PROCR: variants seen among roughly 807,000 people sequenced by gnomAD.
The protein encoded by PROCR is protein C receptor.
In PROCR, 22 loss-of-function variants were observed where a neutral mutation model predicts 24.2. The ratio of observed to expected loss-of-function variants is 0.91; its 90% CI spans 0.65 to 1.30. The LOEUF (loss-of-function observed/expected upper bound fraction) is 1.30, where lower values mean the gene tolerates loss of function less well. PROCR is among the 50% of genes most tolerant of loss of function. The pLI is 0.00. For missense variants in PROCR, 288 were observed against 307.7 expected, an observed-to-expected ratio of 0.94 and a Z score of 0.48; for synonymous variants, 137 against 139.2, an observed-to-expected ratio of 0.98 and a Z score of 0.11.
intron 1 of PROCR, among the ~76,000 whole-genome samples, chr20:35,204,596 G>A (rs899429842): frequency 9.2e-5 from 14 of 151,732 alleles, no homozygotes; most frequent in Non-Finnish European, 1.2e-4. Flanking sequence ...GGCTGGTCTC[G>A]AACTCCTGGC....
At chr20:35,180,845 T>C (rs892828578), downstream of PROCR, among the ~76,000 whole-genome samples, 7 of 150,302 alleles carry the variant, frequency 4.7e-5, no homozygotes, top group African/African-American at 1.7e-4. Context: ...TTTTTTGTTG[T>C]TGTTTGTTTT....
intron 1 of PROCR, among the ~76,000 whole-genome samples, chr20:35,212,211 G>A (rs895686274): frequency 6.6e-6 from 1 of 152,126 alleles, no homozygotes; most frequent in African/African-American, 2.4e-5. Context: ...GTACATCATA[G>A]AGAAAAAGAG....
At chr20:35,196,317 A>C (rs1423393994) in intron 1 of PROCR, among the ~76,000 whole-genome samples, 1 of 152,136 alleles carries the variant, frequency 6.6e-6, no homozygotes, top group African/African-American at 2.4e-5. Context: ...GTATTTGAAG[A>C]AATGATGGCT....
At chr20:35,179,090 G>C (rs550459124), downstream of PROCR, among the ~76,000 whole-genome samples, 1 of 150,730 alleles carries the variant, frequency 6.6e-6, no homozygotes, top group Non-Finnish European at 1.5e-5. Context: ...AAAATTAGCC[G>C]GGCATGGTTG....
Position 35,205,787 on chromosome 20 carries a change from A to G in PROCR, c.95-10106A>G, listed in dbSNP as rs547805508. Among the ~76,000 whole-genome samples the G allele has an allele frequency of 3.5e-3, 460 of 132,700 alleles. 4 individuals carry two copies. Among genetic ancestry groups the G allele is most frequent in the Non-Finnish European group, 5.1e-3 (316 of 62,320 alleles). 87.1% of individuals were successfully genotyped at this position (132,700 alleles called of 152,430 possible). On this transcript the variant is annotated intron_variant, in intron 1 of 1. Coordinates refer to the PROCR transcript ENST00000634509. The stretch of plus-strand genomic sequence containing the variant: ...TATATATATATATATATATATATAT[A>G]TGTATATATACACACATATATATGT...
intron 1 of PROCR, among the ~76,000 whole-genome samples, chr20:35,172,458 A>T (rs1045910837): frequency 2.0e-5 from 3 of 152,238 alleles, no homozygotes; most frequent in African/African-American, 7.2e-5. Flanking sequence ...GGGAAACAGG[A>T]TGACTGGAAA....
At chr20:35,210,013 C>T (rs4911172) in intron 1 of PROCR, among the ~76,000 whole-genome samples, 1 of 151,822 alleles carries the variant, frequency 6.6e-6, no homozygotes, top group South Asian at 2.1e-4. Context: ...GATCACTGGA[C>T]CCCAGGAGTT....
At chr20:35,177,542 G>A (rs889029306), downstream of PROCR, among the ~76,000 whole-genome samples, 4 of 137,060 alleles carry the variant, frequency 2.9e-5, no homozygotes, top group Admixed American at 8.0e-5. Flanking sequence ...TCTGCCTCCC[G>A]GTTCAAGCAA....
intron 1 of PROCR, among the ~76,000 whole-genome samples, chr20:35,207,413 T>TAC (rs971479920): frequency 1.5e-4 from 22 of 149,858 alleles, no homozygotes; most frequent in Admixed American, 3.3e-4. Flanking sequence ...TATATATATA[T>TAC]ACACATATGA....
chr20:35,202,839 CA>C (rs2060323895), intron 1 of PROCR: 1 of 152,078 alleles, frequency 6.6e-6, no homozygotes, highest in Non-Finnish European at 1.5e-5. Context: ...ATAACATTAT[CA>C]ACTGGTTTAA....
chr20:35,186,291 G>A (rs185634828), intron 1 of PROCR, among the ~76,000 whole-genome samples: 34 of 152,262 alleles, frequency 2.2e-4, no homozygotes, highest in Admixed American at 2.0e-3. Flanking sequence ...TAAGTAGTCC[G>A]GGAGCAGTGG....
intron 1 of PROCR, among the ~76,000 whole-genome samples, chr20:35,187,282 G>A (rs1233402414): frequency 6.6e-6 from 1 of 152,152 alleles, no homozygotes; most frequent in Non-Finnish European, 1.5e-5. Context: ...GCCCAGGCTC[G>A]AATTCCTGAA....
intron 1 of PROCR, among the ~76,000 whole-genome samples, chr20:35,213,556 T>C (rs1171887816): frequency 6.6e-6 from 1 of 152,178 alleles, no homozygotes; most frequent in Non-Finnish European, 1.5e-5. Flanking sequence ...CTAAGTGAAC[T>C]GTTACTGCTT....
At chr20:35,182,809 A>G (rs904772080) in intron 1 of PROCR, among the ~76,000 whole-genome samples, 1 of 152,054 alleles carries the variant, frequency 6.6e-6, no homozygotes, top group Non-Finnish European at 1.5e-5. Context: ...AACCGTCTCT[A>G]CTAAATATAC....
At chr20:35,182,347 C>T (rs753036707), downstream of PROCR, among the ~76,000 whole-genome samples, 13 of 152,028 alleles carry the variant, frequency 8.6e-5, no homozygotes, top group Non-Finnish European at 1.8e-4. Flanking sequence ...GTTGCCCAGG[C>T]TGGAATTGGT....
At chr20:35,195,875 T>A (rs868744555) in intron 1 of PROCR, among the ~76,000 whole-genome samples, 1 of 147,698 alleles carries the variant, frequency 6.8e-6, no homozygotes. Flanking sequence ...AAGAACATGA[T>A]GTTTTAGATA....
chr20:35,211,330 A>T (rs1600757635), intron 1 of PROCR, among the ~76,000 whole-genome samples: 1 of 152,212 alleles, frequency 6.6e-6, no homozygotes, highest in Non-Finnish European at 1.5e-5. Context: ...GAAAGGTATA[A>T]GGAGATTCAG....
At chr20:35,211,903 C>A (rs1182787335) in intron 1 of PROCR, among the ~76,000 whole-genome samples, 1 of 151,940 alleles carries the variant, frequency 6.6e-6, no homozygotes, top group Non-Finnish European at 1.5e-5. Flanking sequence ...GTAATCCCAG[C>A]TACTTGGGAG....
chr20:35,206,547 A>G (rs1169241744), intron 1 of PROCR, among the ~76,000 whole-genome samples: 1 of 151,920 alleles, frequency 6.6e-6, no homozygotes, highest in Non-Finnish European at 1.5e-5. Flanking sequence ...AAAAGGCAAA[A>G]GTTTTGAACA....
Sources: gnomAD v4.1 joint callset for allele counts (sites outside exome capture counted in the v4.1 genomes callset) on GRCh38, gnomAD v4.1.1 for gene constraint, MANE v1.5 for transcripts, NCBI Gene and HGNC (gene_info 2026-07-23, HGNC 2026-07-21) for gene names.